HECW2: variants seen among roughly 807,000 people sequenced by gnomAD.
HECW2 encodes the protein E3 ubiquitin-protein ligase HECW2.
In HECW2, 61 loss-of-function variants were observed where a neutral mutation model predicts 175.2. The ratio of observed to expected loss-of-function variants is 0.35; its 90% CI spans 0.28 to 0.43. HECW2 has a LOEUF of 0.43. HECW2 is among the 20% of genes least tolerant of loss of function. The probability of loss-of-function intolerance (pLI) is 1.00; values close to 1 mark genes in which losing one functional copy is unlikely to be tolerated. For missense variants in HECW2, 1,524 were observed against 2,000.5 expected (o/e 0.76, Z 4.54); for synonymous variants, 671 against 731.0 (o/e 0.92, Z 1.32).
chr2:196,443,936 G>A (rs191316436), intron 1 of HECW2, among the ~76,000 whole-genome samples: 2 of 152,212 alleles, frequency 1.3e-5, no homozygotes, highest in African/African-American at 4.8e-5. Flanking sequence ...TTGGGAGGCT[G>A]AAGTGGGAGG....
In HECW2 at chr2:196,321,391, CTT is replaced by C. The variant is rs10622627; in HGVS notation, c.885-954_885-953del. ...ATTAAATGACTTATTCTTTTTCTCT[CTT>C]TTTTTTTTTTTTGAGACAGAGTCTC... On this transcript the variant is annotated intron_variant, in intron 7 of 28. Coordinates refer to ENST00000644978, the MANE Select transcript of HECW2 (RefSeq NM_001348768.2). 9.6e-3 allele frequency among the ~76,000 whole-genome samples: 1,348 copies of C among 139,782 alleles called. 6 individuals carry two copies. Among genetic ancestry groups the C allele is most frequent in the Non-Finnish European group, 0.016 (1,049 of 65,670 alleles). 91.7% of individuals were successfully genotyped at this position (139,782 alleles called of 152,430 possible).
Position 196,319,578 on chromosome 2 carries a change from C to T in HECW2, c.1312G>A (p.Glu438Lys). Reference protein sequence around the residue: ...HSRPGTATCSERSMGASPKLR... With the variant: ...HSRPGTATCSKRSMGASPKLR... ...TTCGGAGAGGCACCCATGGACCTCT[C>T]AGAGCAGGTCGCTGTCCCCGGCCTG... Residue 438 changes from glutamate to lysine, a missense_variant, in exon 9 of 29, where the codon GAG becomes AAG. Glu to Lys is a moderately conservative substitution (Grantham distance 56). Transcript: ENST00000644978. 1.9e-6 allele frequency: 3 copies of T among 1,614,212 alleles called. No homozygotes were observed. Among genetic ancestry groups the T allele is most frequent in the Non-Finnish European group, 2.5e-6 (3 of 1,180,036 alleles).
intron 2 of HECW2, among the ~76,000 whole-genome samples, chr2:196,414,872 T>TTGGGA (rs2125234900): frequency 6.6e-6 from 1 of 152,292 alleles, no homozygotes; most frequent in East Asian, 1.9e-4. Context: ...GCCTCTCACC[T>TTGGGA]TGGGAGTCTT....
At chr2:196,344,811 G>A (rs76528854) in intron 2 of HECW2, among the ~76,000 whole-genome samples, 2,171 of 152,284 alleles carry the variant, frequency 0.014, 52 homozygotes, top group African/African-American at 0.049. Flanking sequence ...TAAAGAAGAC[G>A]GGGTGAAGTA....
chr2:196,250,768 C>T (rs1035093120), intron 19 of HECW2, among the ~76,000 whole-genome samples: 4 of 152,158 alleles, frequency 2.6e-5, no homozygotes, highest in Admixed American at 2.6e-4. Flanking sequence ...CCACTCACGT[C>T]CTGTGTCCTC....
At chr2:196,488,939 G>A (rs1475390290) in intron 1 of HECW2, among the ~76,000 whole-genome samples, 1 of 151,980 alleles carries the variant, frequency 6.6e-6, no homozygotes, top group African/African-American at 2.4e-5. Flanking sequence ...TGCATAAAAT[G>A]CATACATAGA....
intron 1 of HECW2, among the ~76,000 whole-genome samples, chr2:196,560,265 C>A (rs1689951660): frequency 6.6e-6 from 1 of 152,156 alleles, no homozygotes; most frequent in South Asian, 2.1e-4. Flanking sequence ...CCTGCCTCAG[C>A]CTCCCAAGTA....
intron 23 of HECW2, among the ~76,000 whole-genome samples, chr2:196,222,675 G>C (rs747675525): frequency 6.6e-6 from 1 of 152,114 alleles, no homozygotes; most frequent in Non-Finnish European, 1.5e-5. Flanking sequence ...ACTGGCACTC[G>C]GGTTGACAAC....
At chr2:196,498,489 T>TAG (rs2125398560) in intron 1 of HECW2, among the ~76,000 whole-genome samples, 1 of 152,286 alleles carries the variant, frequency 6.6e-6, no homozygotes, top group East Asian at 1.9e-4. Flanking sequence ...AGACCTAAAA[T>TAG]AACTGACTCG....
intron 26 of HECW2, chr2:196,217,496 G>A (rs562485437): frequency 6.4e-6 from 1 of 157,112 alleles, no homozygotes; most frequent in Non-Finnish European, 1.4e-5. Flanking sequence ...GGGGCATAAT[G>A]GCAAAGAAAA....
rs898561293 is a variant in HECW2, at chr2:196,286,685, C to A, written c.3000+5880G>T. ...TCCTTAAAAACCATGTGCTATCTAT[C>A]ATTTTATAGTTTAATTCCATCAACA... On this transcript the variant is annotated intron_variant, in intron 14 of 28. Transcript: ENST00000644978. Among the ~76,000 whole-genome samples the A allele has an allele frequency of 2.2e-4, 34 of 152,126 alleles. 2 individuals are homozygous for A. The highest frequency in any genetic ancestry group is 8.0e-4 in the African/African-American group (33 of 41,424).
chr2:196,247,046 A>G (rs936217823), intron 19 of HECW2, among the ~76,000 whole-genome samples: 3 of 152,054 alleles, frequency 2.0e-5, no homozygotes, highest in African/African-American at 7.2e-5. Context: ...GTGGATCATG[A>G]GGTCAGGAGA....
chr2:196,250,514 AT>A (rs1442922737), intron 19 of HECW2, among the ~76,000 whole-genome samples: 6 of 152,204 alleles, frequency 3.9e-5, no homozygotes, highest in Non-Finnish European at 8.8e-5. Context: ...AGAAAAAGAG[AT>A]TCAGGCTCAG....
Position 196,318,708 on chromosome 2 carries a change from G to A in HECW2, c.2182C>T (p.Pro728Ser), listed in dbSNP as rs764239940. The A allele has an allele frequency of 1.3e-5, 20 of 1,574,680 alleles. No individual in the cohort carries two copies. The highest frequency in any genetic ancestry group is 1.2e-5 in the South Asian group (1 of 84,608). Residue 728 changes from proline to serine, a missense_variant, in exon 9 of 29, where the codon CCT becomes TCT. Pro to Ser is a moderately conservative substitution (Grantham distance 74, BLOSUM62 -1). Transcript: ENST00000644978. ...ACCTCCCCCAGCTCCTCCTGGTCAG[G>A]TACAGTGGCCGATTCTGCCCCTGGC... ...EGPGAESATV[P>S]DQEELGEVWQ...
At chr2:196,209,506 T>C (rs944332405) in intron 28 of HECW2, among the ~76,000 whole-genome samples, 9 of 152,196 alleles carry the variant, frequency 5.9e-5, no homozygotes, top group African/African-American at 2.2e-4. Flanking sequence ...AATACAGTTA[T>C]ATAGAACTGA....
intron 15 of HECW2, among the ~76,000 whole-genome samples, chr2:196,275,276 T>C (rs377113370): frequency 3.9e-5 from 6 of 152,236 alleles, no homozygotes; most frequent in African/African-American, 1.2e-4. Context: ...GAACAGTTTA[T>C]ATTATTTGTC....
At chr2:196,441,610 A>C (rs1696047053) in intron 1 of HECW2, among the ~76,000 whole-genome samples, 1 of 152,088 alleles carries the variant, frequency 6.6e-6, no homozygotes, top group Non-Finnish European at 1.5e-5. Flanking sequence ...GACGTCACCA[A>C]ATCTTCCACC....
intron 15 of HECW2, among the ~76,000 whole-genome samples, chr2:196,278,151 TAA>T (rs1491575976): frequency 8.2e-6 from 1 of 121,392 alleles, no homozygotes; most frequent in African/African-American, 2.7e-5. Flanking sequence ...TATATATATA[TAA>T]AGAAATTCCA....
Position 196,433,223 on chromosome 2 carries a change from C to T in HECW2, c.201G>A (p.Glu67=), listed in dbSNP as rs200785474. The T allele has an allele frequency of 3.6e-5, 58 of 1,614,036 alleles. No homozygotes were observed. Among genetic ancestry groups the T allele is most frequent in the Non-Finnish European group, 4.4e-5 (52 of 1,180,032 alleles). ...SRSSLTASMY[E]YTLGQAQNLI... ...GGTTCTGGGCTTGCCCCAGCGTGTACTCGTACATGCTGGCAGTTAAGCTGG... is the reference window on the plus strand; with the variant it reads ...GGTTCTGGGCTTGCCCCAGCGTGTATTCGTACATGCTGGCAGTTAAGCTGG... Residue 67 remains glutamate, a synonymous_variant, in exon 2 of 29, where the codon GAG becomes GAA. Coordinates refer to ENST00000644978, the MANE Select transcript of HECW2 (RefSeq NM_001348768.2).
Sources: gnomAD v4.1 joint callset for allele counts (sites outside exome capture counted in the v4.1 genomes callset) on GRCh38, gnomAD v4.1.1 for gene constraint, MANE v1.5 for transcripts, NCBI Gene and HGNC (gene_info 2026-07-23, HGNC 2026-07-21) for gene names.